NACC2: variants seen among roughly 807,000 people sequenced by gnomAD.
The protein encoded by NACC2 is nucleus accumbens-associated protein 2.
In NACC2, 8 loss-of-function variants were observed where a neutral mutation model predicts 25.1. The observed-to-expected ratio is 0.32, with a 90% CI of 0.19 to 0.57. The LOEUF is 0.57. NACC2 is among the 20% of genes least tolerant of loss of function. NACC2 has a pLI of 0.89. For missense variants in NACC2, 644 were observed against 650.2 expected (o/e 0.99, Z 0.10); for synonymous variants, 435 against 294.7 (o/e 1.48, Z -4.88).
chr9:136,060,906 G>A lies in NACC2; in HGVS notation c.-59-10326C>T, dbSNP rs530411338. The stretch of plus-strand genomic sequence containing the variant: ...TCCAGGAAGCCCCCCAACACAGCCA[G>A]TCCCTGAGAGACTGGGTACAGGGGT... On this transcript the variant is annotated intron_variant, in intron 1 of 5. Coordinates refer to ENST00000277554, the MANE Select transcript of NACC2 (RefSeq NM_144653.5). Among the ~76,000 whole-genome samples the A allele has an allele frequency of 1.1e-4, 17 of 152,324 alleles. No individual in the cohort carries two copies. In the East Asian group the frequency reaches 3.3e-3, roughly 29 times the overall value.
At chr9:136,071,496 C>T (rs1351055302) in intron 1 of NACC2, among the ~76,000 whole-genome samples, 2 of 131,902 alleles carry the variant, frequency 1.5e-5, no homozygotes, top group Non-Finnish European at 3.1e-5. Flanking sequence ...TGAGCTGAAA[C>T]CATGCCAATG....
intron 1 of NACC2, among the ~76,000 whole-genome samples, chr9:136,089,543 C>A (rs995666812): frequency 1.3e-5 from 2 of 151,902 alleles, no homozygotes; most frequent in Non-Finnish European, 1.5e-5. Context: ...GGGGGCCTCT[C>A]CCCAAGAAGG....
intron 2 of NACC2, among the ~76,000 whole-genome samples, chr9:136,046,713 C>A (rs993329625): frequency 6.6e-6 from 1 of 152,298 alleles, no homozygotes; most frequent in South Asian, 2.1e-4. Flanking sequence ...TTTGATAAGG[C>A]ACTGGAGAAA....
chr9:136,075,998 C>T lies in NACC2; in HGVS notation c.-60+19191G>A, dbSNP rs367965156. Among the ~76,000 whole-genome samples, 18 of 152,290 alleles carry T rather than the reference C, an allele frequency of 1.2e-4. No homozygotes were observed. The East Asian group carries it at 3.5e-3, about 29-fold the overall frequency. ...ATCTGTGACAAAACTCCGAGACACCCGCTTCTCAAAGCCCTGCATGAAGGT... is the reference window on the plus strand; with the variant it reads ...ATCTGTGACAAAACTCCGAGACACCTGCTTCTCAAAGCCCTGCATGAAGGT... On this transcript the variant is annotated intron_variant, in intron 1 of 5. Transcript: ENST00000277554.
chr9:136,011,156 C>CG lies in NACC2; in HGVS notation c.*359dup, dbSNP rs1216695197. ...CACCGCCGGCCCCTGCTTCGTCTTCCGGGCAGGAGGAGCAGGAAGGGCAGG... is the reference window on the plus strand; with the variant it reads ...CACCGCCGGCCCCTGCTTCGTCTTCCGGGGCAGGAGGAGCAGGAAGGGCAGG... On this transcript the variant is annotated 3_prime_UTR_variant, in exon 6 of 6. Transcript: ENST00000277554. The CG allele has an allele frequency of 5.8e-6, 1 of 173,170 alleles. No individual in the cohort carries two copies. Among genetic ancestry groups the CG allele is most frequent in the Non-Finnish European group, 1.2e-5 (1 of 82,688 alleles). The allele number at this position is 173,170 out of a possible 1,614,324, so 10.7% of individuals were successfully genotyped here.
Position 136,049,648 on chromosome 9 carries a change from C to G in NACC2, c.874G>C (p.Gly292Arg), listed in dbSNP as rs1426432125. Residue 292 changes from glycine to arginine, a missense_variant, in exon 2 of 6, where the codon GGC becomes CGC. By Grantham distance (125) the Gly-to-Arg change is moderately radical. Transcript: ENST00000277554. ...CCCGCCGCGTTACCTGCATAGCTGC[C>G]GGAGGCCTTGATGTACATCTGGCCG... ...QYGQMYIKASGSYAVQEKPEP... is the reference protein window; with the variant it reads ...QYGQMYIKASRSYAVQEKPEP... 3.9e-6 allele frequency: 3 copies of G among 777,134 alleles called. No homozygotes were observed. Among genetic ancestry groups the G allele is most frequent in the South Asian group, 1.3e-5 (1 of 74,534 alleles). 48.1% of individuals were successfully genotyped at this position (777,134 alleles called of 1,614,324 possible).
chr9:136,094,973 GC>G (rs1830474466), intron 1 of NACC2, among the ~76,000 whole-genome samples: 1 of 146,248 alleles, frequency 6.8e-6, no homozygotes, highest in African/African-American at 2.5e-5. Flanking sequence ...GCCCCGCCCG[GC>G]CCCCCTCCGC....
intron 2 of NACC2, 42 bp downstream of exon 2, chr9:136,049,594 C>A (rs2131161812): frequency 4.0e-6 from 3 of 749,020 alleles, no homozygotes; most frequent in Admixed American, 1.7e-5. Flanking sequence ...GCAGGCCCCG[C>A]TTCCCAGCCA....
At chr9:136,058,112 G>A (rs530932411) in intron 1 of NACC2, among the ~76,000 whole-genome samples, 7 of 152,092 alleles carry the variant, frequency 4.6e-5, no homozygotes, top group South Asian at 4.1e-4. Context: ...GGGCGGGGGG[G>A]GCCCAATGAC....
rs1840915964 is a variant in NACC2, at chr9:136,055,818, G to A, written c.-59-5238C>T. Among the ~76,000 whole-genome samples the A allele has an allele frequency of 5.3e-5, 8 of 152,268 alleles. No individual in the cohort carries two copies. In the South Asian group the frequency reaches 1.7e-3, roughly 32 times the overall value. ...CCCTCTACCCCGAGCCCCGGCCCCT[G>A]GTGGAGACTGCCTGGCAGTTAGTTA... On this transcript the variant is annotated intron_variant, in intron 1 of 5. Coordinates refer to ENST00000277554, the MANE Select transcript of NACC2 (RefSeq NM_144653.5). The surrounding 1 kb of genome is among the most constrained non-coding windows in gnomAD (Gnocchi z 4.9).
chr9:136,062,181 A>ACAGGACAGGACAGGACAGGACAGGAC (rs1841023056), intron 1 of NACC2, among the ~76,000 whole-genome samples: 1 of 151,784 alleles, frequency 6.6e-6, no homozygotes, highest in African/African-American at 2.4e-5. Flanking sequence ...ACAGGAAAGG[A>ACAGGACAGGACAGGACAGGACAGGAC]AAGAGAGAGA....
At chr9:136,047,520 T>C (rs906024052) in intron 2 of NACC2, among the ~76,000 whole-genome samples, 1 of 152,086 alleles carries the variant, frequency 6.6e-6, no homozygotes, top group Admixed American at 6.5e-5. Context: ...CTCGCTGGCA[T>C]CAGCGACACC....
intron 1 of NACC2, among the ~76,000 whole-genome samples, chr9:136,052,987 C>T (rs1287277649): frequency 6.6e-6 from 1 of 152,262 alleles, no homozygotes; most frequent in Non-Finnish European, 1.5e-5. Context: ...AGTTTCCCTG[C>T]CACTGGCTGT....
rs1243403212 is a variant in NACC2 at position 136,011,488 on chromosome 9, G to A, written c.*28C>T. ...ACGCATGCAAGCAGCTCTAGTACTCGGTCCCTCGCGCAGCCACCCAGCTCC... is the reference window on the plus strand; with the variant it reads ...ACGCATGCAAGCAGCTCTAGTACTCAGTCCCTCGCGCAGCCACCCAGCTCC... On this transcript the variant is annotated 3_prime_UTR_variant, in exon 6 of 6. Transcript: ENST00000277554. 11 of 1,351,696 alleles carry A rather than the reference G, an allele frequency of 8.1e-6. No homozygotes were observed. Among genetic ancestry groups the A allele is most frequent in the Non-Finnish European group, 9.5e-6 (10 of 1,053,442 alleles). 83.7% of individuals were successfully genotyped at this position (1,351,696 alleles called of 1,614,324 possible). A position where few individuals can be genotyped will look rare whatever the true frequency, so the allele number is the denominator to read the frequency against.
chr9:136,081,143 C>G (rs780953619), intron 1 of NACC2, among the ~76,000 whole-genome samples: 6 of 152,180 alleles, frequency 3.9e-5, no homozygotes, highest in Non-Finnish European at 7.4e-5. Flanking sequence ...GAGGAGGAAG[C>G]CCAGACCAAA....
In NACC2 at chr9:136,049,625, C is replaced by T. The variant is rs1840785218; in HGVS notation, c.886+11G>A. ...AGCCAGGTGGTGTGGGGCTCCACCC[C>T]GCCGCGTTACCTGCATAGCTGCCGG... On this transcript the variant is annotated intron_variant, in intron 2 of 5. Coordinates refer to ENST00000277554, the MANE Select transcript of NACC2 (RefSeq NM_144653.5). 3 of 771,042 alleles carry T rather than the reference C, an allele frequency of 3.9e-6. No individual in the cohort carries two copies. Among genetic ancestry groups the T allele is most frequent in the African/African-American group, 3.4e-5 (2 of 58,490 alleles). 47.8% of individuals were successfully genotyped at this position (771,042 alleles called of 1,614,324 possible).
chr9:136,018,875 A>G lies in NACC2; in HGVS notation c.887-2446T>C, dbSNP rs963068934. ...GCCGCACGGTGCGTGGCATTTACAT[A>G]AAGAGTTCACCAACAGAAATAATTC... On this transcript the variant is annotated intron_variant, in intron 2 of 5. Coordinates refer to ENST00000277554, the MANE Select transcript of NACC2 (RefSeq NM_144653.5). The surrounding 1 kb of genome is among the most constrained non-coding windows in gnomAD (Gnocchi z 4.4). Among the ~76,000 whole-genome samples, 10 of 152,168 alleles carry G rather than the reference A, an allele frequency of 6.6e-5. No individual in the cohort carries two copies. Among genetic ancestry groups the G allele is most frequent in the Non-Finnish European group, 1.5e-5 (1 of 68,024 alleles).
chr9:136,067,566 G>T (rs143468635), intron 1 of NACC2, among the ~76,000 whole-genome samples: 2 of 152,030 alleles, frequency 1.3e-5, no homozygotes, highest in Non-Finnish European at 2.9e-5. Flanking sequence ...GGCCGGGCGC[G>T]GTGGCTCACG....
At chr9:136,017,113 C>A (rs949914775) in intron 2 of NACC2, among the ~76,000 whole-genome samples, 3 of 152,088 alleles carry the variant, frequency 2.0e-5, no homozygotes, top group Admixed American at 1.3e-4. Context: ...CCAGGCTGGC[C>A]GACACGCCAC....
Sources: allele counts gnomAD v4.1 joint callset (sites outside exome capture counted in the v4.1 genomes callset), GRCh38; gene constraint gnomAD v4.1.1; non-coding constraint Gnocchi (gnomAD v3.1); transcripts MANE v1.5; gene names NCBI Gene and HGNC (gene_info 2026-07-23, HGNC 2026-07-21).